Variants in SCUBE1 observed in about 807,000 individuals in gnomAD.
The protein encoded by SCUBE1 is signal peptide, CUB and EGF-like domain-containing protein 1.
SCUBE1 carries 59 observed loss-of-function variants against 124.4 expected under a neutral mutation model. The observed-to-expected ratio is 0.47, with a 90% confidence interval of 0.38 to 0.59. The LOEUF is 0.59. Among genes scored for constraint, SCUBE1 ranks in the 20% least tolerant of loss-of-function variants. The pLI, the probability that SCUBE1 is intolerant of heterozygous loss-of-function variation, is 0.00. For missense variants in SCUBE1, 1,150 were observed against 1,371.2 expected, an observed-to-expected ratio of 0.84 and a Z score of 2.55; for synonymous variants, 545 against 550.9, an observed-to-expected ratio of 0.99 and a Z score of 0.15.
Position 43,336,998 on chromosome 22 carries a change from A to T in SCUBE1, c.220+2106T>A, listed in dbSNP as rs549233571. 2.0e-5 allele frequency among the ~76,000 whole-genome samples: 3 copies of T among 152,156 alleles called. No individual in the cohort carries two copies. The East Asian group carries it at 5.8e-4, about 29-fold the overall frequency. On this transcript the variant is annotated intron_variant, in intron 2 of 21. Transcript: ENST00000360835. ...GTGTCTGTGTGTGCATGCATGTGCCAGGACAGAGGTGTTGTTCAGTGTTTC... is the reference window on the plus strand; with the variant it reads ...GTGTCTGTGTGTGCATGCATGTGCCTGGACAGAGGTGTTGTTCAGTGTTTC...
chr22:43,321,981 TTTTA>T (rs985554543), intron 2 of SCUBE1, among the ~76,000 whole-genome samples: 11 of 152,132 alleles, frequency 7.2e-5, no homozygotes, highest in Admixed American at 1.3e-4. Flanking sequence ...ATAGATTTTA[TTTTA>T]TTTATTTATT....
chr22:43,237,855 G>T (rs1206167296), intron 7 of SCUBE1: 3 of 152,234 alleles, frequency 2.0e-5, no homozygotes, highest in Non-Finnish European at 2.9e-5. Flanking sequence ...AGAGTGTGGG[G>T]GTACTGCCCA....
chr22:43,250,895 C>T (rs34073683), intron 6 of SCUBE1, among the ~76,000 whole-genome samples: 9,420 of 152,294 alleles, frequency 0.062, 411 homozygotes, highest in Admixed American at 0.14. Context: ...AGAACCGCGT[C>T]CCTCAGGCCT....
intron 7 of SCUBE1, among the ~76,000 whole-genome samples, chr22:43,236,125 C>T (rs1012724745): frequency 3.9e-5 from 6 of 152,306 alleles, no homozygotes; most frequent in Middle Eastern, 3.4e-3. Context: ...CTTTGAGATC[C>T]TCCCCAGACC....
intron 5 of SCUBE1, among the ~76,000 whole-genome samples, chr22:43,260,735 G>A (rs1266873891): frequency 6.6e-6 from 1 of 152,220 alleles, no homozygotes; most frequent in East Asian, 1.9e-4. Context: ...AGCCACCCAC[G>A]GAGAGGGTGG....
At chr22:43,213,396 T>C (rs1475253324) in intron 16 of SCUBE1, 1 of 152,164 alleles carries the variant, frequency 6.6e-6, no homozygotes, top group Non-Finnish European at 1.5e-5. Context: ...AGGTCTCCAG[T>C]ATCCTGGGAC....
chr22:43,289,477 T>C (rs1163217123), intron 4 of SCUBE1, among the ~76,000 whole-genome samples: 3 of 152,214 alleles, frequency 2.0e-5, no homozygotes, highest in Non-Finnish European at 2.9e-5. Flanking sequence ...CACAGAGCCA[T>C]GATTAGCAGG....
At chr22:43,297,459 C>T (rs2146758889) in intron 3 of SCUBE1, among the ~76,000 whole-genome samples, 1 of 152,380 alleles carries the variant, frequency 6.6e-6, no homozygotes, top group South Asian at 2.1e-4. Context: ...CGGCCCTCAG[C>T]TGTGACTCTT....
At chr22:43,337,133 G>C (rs900696291) in intron 2 of SCUBE1, among the ~76,000 whole-genome samples, 3 of 152,116 alleles carry the variant, frequency 2.0e-5, no homozygotes, top group South Asian at 2.1e-4. Flanking sequence ...TACCCAGCAG[G>C]ACAAAACAAT....
chr22:43,273,041 G>A (rs1924353335), intron 4 of SCUBE1, among the ~76,000 whole-genome samples: 2 of 152,332 alleles, frequency 1.3e-5, no homozygotes, highest in South Asian at 4.1e-4. Context: ...TTCAGCTCAC[G>A]CATTCCTTCA....
chr22:43,211,073 G>A lies in SCUBE1; in HGVS notation c.2232C>T (p.Ser744=). Residue 744 remains serine (S), a synonymous_variant, in exon 18 of 22, where the codon TCC becomes TCT. Coordinates refer to ENST00000360835, the MANE Select transcript of SCUBE1 (RefSeq NM_173050.5). This position sits in a 1 kb window ranked among gnomAD's most constrained non-coding sequence, Gnocchi z 4.5. ...TGGTGGTGTTGTAGTGGTGGCCGGG[G>A]GAGCAGTGCACTGCCGGGGGACACA... The part of the protein sequence containing the change: ...FQDCEAKVHC[S]PGHHYNTTTH... 1 of 1,611,482 alleles carries A rather than the reference G, an allele frequency of 6.2e-7. No homozygotes were observed. The highest frequency in any genetic ancestry group is 8.5e-7 in the Non-Finnish European group (1 of 1,178,796).
chr22:43,341,378 T>A (rs1927311936), intron 1 of SCUBE1, among the ~76,000 whole-genome samples: 1 of 152,170 alleles, frequency 6.6e-6, no homozygotes, highest in Non-Finnish European at 1.5e-5. Context: ...AGGGCCCATC[T>A]CCAGGCTTCT....
intron 21 of SCUBE1, among the ~76,000 whole-genome samples, chr22:43,207,246 G>A (rs531888904): frequency 3.9e-5 from 6 of 152,322 alleles, no homozygotes; most frequent in Admixed American, 1.3e-4. Context: ...GATGAGGAGA[G>A]TGAGGCTGTG....
chr22:43,258,832 TCCACGGAGGTCCC>T lies in SCUBE1; in HGVS notation c.611-510_611-498del, dbSNP rs1923764946. 6.6e-6 allele frequency among the ~76,000 whole-genome samples: 1 copy of T among 152,114 alleles called. No homozygotes were observed. The highest frequency in any genetic ancestry group is 1.5e-5 in the Non-Finnish European group (1 of 68,020). On this transcript the variant is annotated intron_variant, in intron 5 of 21. Coordinates refer to ENST00000360835, the MANE Select transcript of SCUBE1 (RefSeq NM_173050.5). This position sits in a 1 kb window ranked among gnomAD's most constrained non-coding sequence, Gnocchi z 5.0. ...GCCTGTCTTGGGGTGTGTGGATGTC[TCCACGGAGGTCCC>T]CCCTCAGAGTCCCAGGGGCCACCTC... is the stretch of plus-strand genomic sequence containing the variant.
chr22:43,210,258 C>G lies in SCUBE1; in HGVS notation c.2384-18G>C, dbSNP rs1420153311. The G allele has an allele frequency of 1.0e-5, 15 of 1,497,422 alleles. No individual in the cohort carries two copies. The highest frequency in any genetic ancestry group is 5.3e-5 in the South Asian group (4 of 76,054). 92.8% of individuals were successfully genotyped at this position (1,497,422 alleles called of 1,614,324 possible). A position where few individuals can be genotyped will look rare whatever the true frequency, so the allele number is the denominator to read the frequency against. The stretch of plus-strand genomic sequence containing the variant: ...GTGCTGGTCTGTGGGCACAGTGGCC[C>G]GAGGGCCTCATCAGGCTCTGCTGGG... On this transcript the variant is annotated intron_variant, in intron 18 of 21. Transcript: ENST00000360835. The surrounding 1 kb of genome is among the most constrained non-coding windows in gnomAD (Gnocchi z 4.5).
At chr22:43,260,416 A>G (rs1017679620) in intron 5 of SCUBE1, among the ~76,000 whole-genome samples, 2 of 152,176 alleles carry the variant, frequency 1.3e-5, no homozygotes, top group Admixed American at 6.5e-5. Flanking sequence ...CCGGCCCTGG[A>G]GTGGGTCCTG....
intron 6 of SCUBE1, among the ~76,000 whole-genome samples, chr22:43,247,661 A>T (rs1433717270): frequency 1.3e-5 from 2 of 152,214 alleles, no homozygotes; most frequent in Non-Finnish European, 2.9e-5. Flanking sequence ...CCTTAGCTGG[A>T]TCCAACTAGA....
intron 4 of SCUBE1, among the ~76,000 whole-genome samples, chr22:43,285,275 T>A (rs549359824): frequency 1.3e-5 from 2 of 152,056 alleles, no homozygotes; most frequent in South Asian, 4.1e-4. Flanking sequence ...GTGAACTGAG[T>A]GCTGTCCCGA....
At chr22:43,339,780 CCCACAAGCATTGCTTCAACCCT>C (rs1927233517) in intron 1 of SCUBE1, among the ~76,000 whole-genome samples, 2 of 89,822 alleles carry the variant, frequency 2.2e-5, no homozygotes, top group Non-Finnish European at 5.2e-5. Context: ...ATTCTATCCC[CCCACAAGCATTGCTTCAACCCT>C]CCCCCACTCT....
Sources: gnomAD v4.1 joint callset for allele counts (sites outside exome capture counted in the v4.1 genomes callset) on GRCh38, gnomAD v4.1.1 for gene constraint, Gnocchi (gnomAD v3.1) non-coding constraint, MANE v1.5 for transcripts, NCBI Gene and HGNC (gene_info 2026-07-23, HGNC 2026-07-21) for gene names.